SNX9: variants seen among roughly 807,000 people sequenced by gnomAD.
The protein encoded by SNX9 is sorting nexin-9.
In SNX9, 44 loss-of-function variants were observed where a neutral mutation model predicts 89.4. The observed-to-expected ratio is 0.49, with a 90% confidence interval of 0.39 to 0.63. The LOEUF is 0.63. SNX9 is among the 30% of genes least tolerant of loss of function. The pLI, the probability that SNX9 is intolerant of heterozygous loss-of-function variation, is 0.00. For missense variants in SNX9, 578 were observed against 736.1 expected (o/e 0.79, Z 2.49); for synonymous variants, 236 against 247.8 (o/e 0.95, Z 0.45).
intron 1 of SNX9, among the ~76,000 whole-genome samples, chr6:157,853,888 T>C (rs1301278558): frequency 6.6e-6 from 1 of 152,220 alleles, no homozygotes; most frequent in Non-Finnish European, 1.5e-5. Context: ...ACTTCATTTC[T>C]CCTTTGTGTC....
chr6:157,917,623 T>C (rs1245015769), intron 9 of SNX9, among the ~76,000 whole-genome samples: 8 of 152,146 alleles, frequency 5.3e-5, no homozygotes, highest in Non-Finnish European at 2.9e-5. Flanking sequence ...CCAAAATCCA[T>C]TGATGCTCAA....
chr6:157,897,272 C>T (rs1327090930), intron 5 of SNX9, among the ~76,000 whole-genome samples: 1 of 152,180 alleles, frequency 6.6e-6, no homozygotes, highest in African/African-American at 2.4e-5. Context: ...TGGAGCGGCT[C>T]ACAGAACTCA....
intron 1 of SNX9, among the ~76,000 whole-genome samples, chr6:157,834,400 G>C (rs1310117513): frequency 6.7e-6 from 1 of 149,250 alleles, no homozygotes; most frequent in African/African-American, 2.5e-5. Flanking sequence ...AGGCTGGAGT[G>C]CAGTGGCATG....
chr6:157,912,390 C>G (rs1436053280), intron 9 of SNX9, among the ~76,000 whole-genome samples: 1 of 151,890 alleles, frequency 6.6e-6, no homozygotes, highest in South Asian at 2.1e-4. Flanking sequence ...TTCAGAGAGT[C>G]ACGGTTCTCC....
chr6:157,908,310 C>A (rs1370380888), intron 7 of SNX9, among the ~76,000 whole-genome samples: 2 of 152,190 alleles, frequency 1.3e-5, no homozygotes, highest in African/African-American at 4.8e-5. Context: ...CTGAATGAAT[C>A]TCTGAGTGAA....
chr6:157,848,765 G>C (rs1583198038), intron 1 of SNX9, among the ~76,000 whole-genome samples: 1 of 152,318 alleles, frequency 6.6e-6, no homozygotes, highest in Middle Eastern at 3.4e-3. Context: ...AGCAACGATA[G>C]TACAGCAGCC....
At chr6:157,936,747 G>A (rs1783933030) in intron 14 of SNX9, among the ~76,000 whole-genome samples, 1 of 152,196 alleles carries the variant, frequency 6.6e-6, no homozygotes, top group Non-Finnish European at 1.5e-5. Context: ...CAGTCCCCAG[G>A]ACAGGGTAGG....
intron 1 of SNX9, among the ~76,000 whole-genome samples, chr6:157,859,865 T>C (rs1335185871): frequency 6.6e-6 from 1 of 152,154 alleles, no homozygotes; most frequent in African/African-American, 2.4e-5. Flanking sequence ...CTCTTTCCTT[T>C]ATGACTTCTG....
intron 1 of SNX9, chr6:157,829,076 G>A (rs528420706): frequency 1.3e-5 from 2 of 151,780 alleles, no homozygotes; most frequent in South Asian, 2.1e-4. Context: ...TTTTAATCAT[G>A]TGTTTTAGTG....
chr6:157,925,019 A>G (rs2115196110), intron 10 of SNX9, among the ~76,000 whole-genome samples: 1 of 152,340 alleles, frequency 6.6e-6, no homozygotes, highest in Non-Finnish European at 1.5e-5. Flanking sequence ...ATGACATGAA[A>G]AAGACTATGC....
At chr6:157,826,372 C>T (rs1311922953) in intron 1 of SNX9, among the ~76,000 whole-genome samples, 1 of 151,548 alleles carries the variant, frequency 6.6e-6, no homozygotes, top group Non-Finnish European at 1.5e-5. Context: ...TGGTGGCGGG[C>T]GCCTGTAGTC....
chr6:157,891,372 C>T (rs1338190599), intron 4 of SNX9, among the ~76,000 whole-genome samples: 1 of 152,082 alleles, frequency 6.6e-6, no homozygotes, highest in Non-Finnish European at 1.5e-5. Context: ...ATCACTTATT[C>T]TGTGATCGAC....
chr6:157,914,469 C>CTTTTT lies in SNX9; in HGVS notation c.949+4463_949+4467dup, dbSNP rs34419515. ...TGGCTTGGCTTGTCATTTTCTTTTT[C>CTTTTT]TTTTTTTTTTTTTTTTTTTTTTTGG... On this transcript the variant is annotated intron_variant, in intron 9 of 17. Coordinates refer to ENST00000392185, the MANE Select transcript of SNX9 (RefSeq NM_016224.5). Among the ~76,000 whole-genome samples the CTTTTT allele has an allele frequency of 7.1e-4, 53 of 75,116 alleles. 1 individual carries two copies. The highest frequency in any genetic ancestry group is 1.1e-3 in the African/African-American group (19 of 17,720). 49.3% of individuals were successfully genotyped at this position (75,116 alleles called of 152,430 possible).
intron 4 of SNX9, among the ~76,000 whole-genome samples, chr6:157,875,462 C>T (rs572620029): frequency 6.6e-6 from 1 of 152,104 alleles, no homozygotes; most frequent in Non-Finnish European, 1.5e-5. Flanking sequence ...TGCAAATACC[C>T]TCTTAGATAA....
At chr6:157,919,359 C>T (rs1783536887) in intron 9 of SNX9, among the ~76,000 whole-genome samples, 1 of 152,090 alleles carries the variant, frequency 6.6e-6, no homozygotes, top group Non-Finnish European at 1.5e-5. Flanking sequence ...GTTTGGTGTG[C>T]TTGATGTATT....
chr6:157,908,177 A>G (rs567672016), intron 7 of SNX9, among the ~76,000 whole-genome samples: 9 of 151,886 alleles, frequency 5.9e-5, no homozygotes, highest in African/African-American at 1.7e-4. Context: ...GCCGAAACAA[A>G]TCTCTCTTCC....
intron 15 of SNX9, among the ~76,000 whole-genome samples, chr6:157,938,159 G>A (rs1430682096): frequency 1.1e-4 from 16 of 152,120 alleles, no homozygotes; most frequent in Non-Finnish European, 1.3e-4. Flanking sequence ...TGGATTCAGC[G>A]CCTCTTAAAA....
rs1402850443 is a variant in SNX9 at position 157,827,005 on chromosome 6, A to G, written c.12+3559A>G. 4.3e-4 allele frequency among the ~76,000 whole-genome samples: 14 copies of G among 32,762 alleles called. No homozygotes were observed. The East Asian group carries it at 5.0e-3, about 12-fold the overall frequency. The allele number at this position is 32,762 out of a possible 152,430, so 21.5% of individuals were successfully genotyped here. ...TATAGTTTATATAATATATACATATATATTATAGTTTATATAATATATACA... is the reference window on the plus strand; with the variant it reads ...TATAGTTTATATAATATATACATATGTATTATAGTTTATATAATATATACA... On this transcript the variant is annotated intron_variant, in intron 1 of 17. Transcript: ENST00000392185.
intron 11 of SNX9, 43 bp downstream of exon 11, chr6:157,927,257 C>T: frequency 7.1e-7 from 1 of 1,409,904 alleles, no homozygotes; most frequent in Non-Finnish European, 1.0e-6. Context: ...AATCCGCACC[C>T]TCCTCCTTTG....
Sources: gnomAD v4.1 joint callset for allele counts (sites outside exome capture counted in the v4.1 genomes callset) on GRCh38, gnomAD v4.1.1 for gene constraint, MANE v1.5 for transcripts, NCBI Gene and HGNC (gene_info 2026-07-23, HGNC 2026-07-21) for gene names.